The following SCAMP1 variants were observed in gnomAD, a reference collection of about 807,000 sequenced individuals.
SCAMP1 encodes the protein secretory carrier membrane protein 1, also known as secretory carrier-associated membrane protein 1.
Under a neutral mutation model 41.8 loss-of-function variants are expected in SCAMP1, and 15 were observed. That is an observed-to-expected ratio of 0.36 (90% CI 0.24 to 0.55). The LOEUF is 0.55. Among genes scored for constraint, SCAMP1 ranks in the 20% least tolerant of loss-of-function variants. The pLI is 0.86. For missense variants in SCAMP1, 341 were observed against 412.6 expected, an observed-to-expected ratio of 0.83 and a Z score of 1.50; for synonymous variants, 135 against 136.8, an observed-to-expected ratio of 0.99 and a Z score of 0.09.
At chr5:78,410,205 G>T (rs1250521430) in intron 2 of SCAMP1, among the ~76,000 whole-genome samples, 2 of 151,624 alleles carry the variant, frequency 1.3e-5, no homozygotes, top group African/African-American at 4.9e-5. Context: ...TGCCATGGTG[G>T]TTTGTTGCAC....
rs1461503612 is a variant in SCAMP1 at position 78,478,306 on chromosome 5, C to CT, written c.*2639dup. 1 of 152,486 alleles carries CT rather than the reference C, an allele frequency of 6.6e-6. No homozygotes were observed. The highest frequency in any genetic ancestry group is 1.5e-5 in the Non-Finnish European group (1 of 67,968). 9.4% of individuals were successfully genotyped at this position (152,486 alleles called of 1,614,324 possible). A position where few individuals can be genotyped will look rare whatever the true frequency, so the allele number is the denominator to read the frequency against. ...ATGTTTGTTTGTATAATTTTGAACA[C>CT]TATAATAGCAATTCAGAGACAGACA... On this transcript the variant is annotated 3_prime_UTR_variant, in exon 9 of 9. Transcript: ENST00000621999.
chr5:78,463,792 A>G (rs558763094), intron 8 of SCAMP1, among the ~76,000 whole-genome samples: 62 of 152,166 alleles, frequency 4.1e-4, no homozygotes, highest in South Asian at 6.2e-4. Flanking sequence ...TCACAACTCT[A>G]TGAATATACT....
intron 1 of SCAMP1, among the ~76,000 whole-genome samples, chr5:78,373,583 A>G (rs1001720941): frequency 2.0e-5 from 3 of 152,096 alleles, no homozygotes; most frequent in South Asian, 2.1e-4. Context: ...TCTTTGCCCT[A>G]CTGATTGCTT....
At chr5:78,391,956 A>C (rs1188119501) in intron 2 of SCAMP1, among the ~76,000 whole-genome samples, 1 of 152,142 alleles carries the variant, frequency 6.6e-6, no homozygotes, top group Non-Finnish European at 1.5e-5. Context: ...AGATGGCAGC[A>C]GTACAGTCCA....
chr5:78,376,248 G>A (rs59951439), intron 1 of SCAMP1, among the ~76,000 whole-genome samples: 1 of 151,968 alleles, frequency 6.6e-6, no homozygotes, highest in African/African-American at 2.4e-5. Context: ...GGGTTCCCCC[G>A]ATATATAAAA....
Position 78,476,165 on chromosome 5 carries a change from C to T in SCAMP1, c.*497C>T, listed in dbSNP as rs932131872. 2.0e-5 allele frequency: 3 copies of T among 152,438 alleles called. No homozygotes were observed. Among genetic ancestry groups the T allele is most frequent in the African/African-American group, 7.2e-5 (3 of 41,416 alleles). 9.4% of individuals were successfully genotyped at this position (152,438 alleles called of 1,614,324 possible). On this transcript the variant is annotated 3_prime_UTR_variant, in exon 9 of 9. Coordinates refer to ENST00000621999, the MANE Select transcript of SCAMP1 (RefSeq NM_004866.6). ...GCTGTTTCAGTCACCAGTGAAGAGC[C>T]TATGTGCATTTTGTAGTAGATAATG...
chr5:78,373,819 T>G (rs1751002555), intron 1 of SCAMP1, among the ~76,000 whole-genome samples: 1 of 152,164 alleles, frequency 6.6e-6, no homozygotes, highest in South Asian at 2.1e-4. Context: ...TTCTGTTATT[T>G]TGGTTAGTGA....
At chr5:78,370,449 T>G (rs1385636856) in intron 1 of SCAMP1, among the ~76,000 whole-genome samples, 3 of 152,216 alleles carry the variant, frequency 2.0e-5, no homozygotes, top group Non-Finnish European at 2.9e-5. Flanking sequence ...TAGACTGGTG[T>G]GGAAAACCCT....
At chr5:78,419,241 A>G (rs975050739) in intron 5 of SCAMP1, among the ~76,000 whole-genome samples, 1 of 152,212 alleles carries the variant, frequency 6.6e-6, no homozygotes, top group Non-Finnish European at 1.5e-5. Context: ...AATAGTGCAT[A>G]CTAATTTTAT....
rs1485480161 is a variant in SCAMP1, at chr5:78,398,100, A to G, written c.135+9186A>G. Among the ~76,000 whole-genome samples the G allele has an allele frequency of 2.0e-5, 3 of 152,354 alleles. 1 individual carries two copies. In the South Asian group the frequency reaches 6.2e-4, roughly 32 times the overall value. ...TGACCCTGTAATTCCACTCTTGGGT[A>G]CATACCCAAAAGAAGTGAAAACATA... On this transcript the variant is annotated intron_variant, in intron 2 of 8. Transcript: ENST00000621999.
At chr5:78,395,801 A>G (rs911889547) in intron 2 of SCAMP1, among the ~76,000 whole-genome samples, 1 of 152,318 alleles carries the variant, frequency 6.6e-6, no homozygotes, top group Middle Eastern at 3.4e-3. Context: ...GCAAGCCTTC[A>G]GAGAATCTTA....
intron 1 of SCAMP1, among the ~76,000 whole-genome samples, chr5:78,361,250 TG>T (rs1247610085): frequency 6.6e-6 from 1 of 151,802 alleles, no homozygotes; most frequent in Non-Finnish European, 1.5e-5. Context: ...AAAAAGGTTA[TG>T]TTTTTATTTT....
chr5:78,372,420 C>G (rs1750964082), intron 1 of SCAMP1, among the ~76,000 whole-genome samples: 1 of 152,232 alleles, frequency 6.6e-6, no homozygotes, highest in South Asian at 2.1e-4. Context: ...GCACCAAACC[C>G]AAGCATTCTC....
intron 2 of SCAMP1, among the ~76,000 whole-genome samples, chr5:78,398,771 C>T (rs1416587275): frequency 2.0e-5 from 3 of 151,948 alleles, no homozygotes; most frequent in Non-Finnish European, 4.4e-5. Context: ...TCTCAAACTC[C>T]TAGCTTCAGG....
chr5:78,360,810 G>T, intron 1 of SCAMP1, 82 bp downstream of exon 1: 1 of 1,383,572 alleles, frequency 7.2e-7, no homozygotes, highest in Non-Finnish European at 1.0e-6. Context: ...CGCCCACTGC[G>T]TCTGCCCCTC....
intron 6 of SCAMP1, among the ~76,000 whole-genome samples, chr5:78,447,556 A>G (rs1024776116): frequency 2.0e-5 from 3 of 152,130 alleles, no homozygotes; most frequent in Non-Finnish European, 4.4e-5. Flanking sequence ...ACCATATGCA[A>G]AAAAGAACTT....
chr5:78,448,124 T>A (rs181652599), intron 6 of SCAMP1, among the ~76,000 whole-genome samples: 11 of 34,852 alleles, frequency 3.2e-4, no homozygotes, highest in African/African-American at 1.2e-3. Flanking sequence ...TACTACTACT[T>A]CTTCCTCTTC....
Position 78,409,250 on chromosome 5 carries a change from A to G in SCAMP1, c.136-6270A>G, listed in dbSNP as rs574590762. The stretch of plus-strand genomic sequence containing the variant: ...GCCTCCCAGGATTTCTTGTTGCGTT[A>G]GTTGTGTATTTACAATATTATTTAA... On this transcript the variant is annotated intron_variant, in intron 2 of 8. Coordinates refer to ENST00000621999, the MANE Select transcript of SCAMP1 (RefSeq NM_004866.6). Among the ~76,000 whole-genome samples the G allele has an allele frequency of 4.1e-4, 63 of 152,226 alleles. No individual in the cohort carries two copies. In the South Asian group the frequency reaches 9.7e-3, roughly 24 times the overall value.
intron 1 of SCAMP1, among the ~76,000 whole-genome samples, chr5:78,388,089 C>T (rs996637610): frequency 1.1e-4 from 16 of 152,208 alleles, no homozygotes; most frequent in Non-Finnish European, 2.2e-4. Context: ...TGTGGATTCT[C>T]TCGGATTTCC....
Sources: allele counts gnomAD v4.1 joint callset (sites outside exome capture counted in the v4.1 genomes callset), GRCh38; gene constraint gnomAD v4.1.1; transcripts MANE v1.5; gene names NCBI Gene and HGNC (gene_info 2026-07-23, HGNC 2026-07-21).